CASTOR2: variants seen among roughly 807,000 people sequenced by gnomAD.
CASTOR2 encodes GATS protein like 2.
A neutral mutation model predicts 31.2 loss-of-function variants in CASTOR2; 8 were observed. That is an observed-to-expected ratio of 0.26 (90% CI 0.15 to 0.46). The LOEUF (loss-of-function observed/expected upper bound fraction) is 0.46. CASTOR2 is among the 20% of genes least tolerant of loss of function. CASTOR2 has a pLI of 0.99. For synonymous variants in CASTOR2, 162 were observed against 158.7 expected (o/e 1.02, Z -0.16); for missense variants, 216 against 382.1 (o/e 0.57, Z 3.62).
In CASTOR2 at chr7:74,991,565, C is replaced by T. The variant is rs1452519662; in HGVS notation, c.114-16429C>T. ...AAAGCCTCCTTGGTCTCTGCCCACTCAGCAGCCCAGGCCAGGGTGGAGTTG... is the reference window on the plus strand; with the variant it reads ...AAAGCCTCCTTGGTCTCTGCCCACTTAGCAGCCCAGGCCAGGGTGGAGTTG... On this transcript the variant is annotated intron_variant, in intron 1 of 8. Transcript: ENST00000616305. Among the ~76,000 whole-genome samples the T allele has an allele frequency of 6.6e-5, 10 of 152,302 alleles. No homozygotes were observed. In the South Asian group the frequency reaches 2.1e-3, roughly 32 times the overall value.
At position 75,024,779 on chromosome 7, in the gene CASTOR2, A is replaced by T; in HGVS notation, c.*80A>T. 6.4e-7 allele frequency: 1 copy of T among 1,551,150 alleles called. No homozygotes were observed. The highest frequency in any genetic ancestry group is 8.7e-7 in the Non-Finnish European group (1 of 1,146,800). On this transcript the variant is annotated 3_prime_UTR_variant, in exon 9 of 9. Coordinates refer to ENST00000616305, the MANE Select transcript of CASTOR2 (RefSeq NM_001145064.3). ...GATTGATCTTGCAGTATTTCTCTACAGACTGGAAAATCAGCCTGGGGACCC... is the reference window on the plus strand; with the variant it reads ...GATTGATCTTGCAGTATTTCTCTACTGACTGGAAAATCAGCCTGGGGACCC...
At chr7:74,983,388 T>A (rs1490492174) in intron 1 of CASTOR2, among the ~76,000 whole-genome samples, 7 of 150,010 alleles carry the variant, frequency 4.7e-5, no homozygotes, top group Non-Finnish European at 1.0e-4. Flanking sequence ...GTCTACAATT[T>A]CCCTCCTGCA....
Position 75,020,072 on chromosome 7 carries a change from C to T in CASTOR2, c.669C>T (p.Cys223=), listed in dbSNP as rs1237990925. The change falls in exon 6 of 9, where the codon TGC becomes TGT. Residue 223 remains cysteine (C), a synonymous_variant. Coordinates refer to ENST00000616305, the MANE Select transcript of CASTOR2 (RefSeq NM_001145064.3). ...ACCCCATGGCCACTGGGGATGACTG[C>T]GGCCACATCCGCTTCTTCTCCTTCT... ...VKDPMATGDD[C]GHIRFFSFSL... The T allele has an allele frequency of 5.1e-5, 79 of 1,551,438 alleles. No individual in the cohort carries two copies. Among genetic ancestry groups the T allele is most frequent in the Admixed American group, 2.4e-4 (12 of 50,986 alleles).
At position 75,027,019 on chromosome 7, in the gene CASTOR2, C is replaced by T. The variant is rs1456722855; in HGVS notation, c.*2320C>T. 1 of 152,254 alleles carries T rather than the reference C, an allele frequency of 6.6e-6. No individual in the cohort carries two copies. Among genetic ancestry groups the T allele is most frequent in the African/African-American group, 2.4e-5 (1 of 41,462 alleles). The allele number at this position is 152,254 out of a possible 1,614,324, so 9.4% of individuals were successfully genotyped here. A position where few individuals can be genotyped will look rare whatever the true frequency, so the allele number is the denominator to read the frequency against. ...TGAGCAATATATATGTTAATATATA[C>T]TGTGTGCGCAGTCCGTGGACACAGC... is the stretch of plus-strand genomic sequence containing the variant. On this transcript the variant is annotated 3_prime_UTR_variant, in exon 9 of 9. Transcript: ENST00000616305.
In CASTOR2 at chr7:74,990,810, G is replaced by A. The variant is rs1297505665; in HGVS notation, c.114-17184G>A. On this transcript the variant is annotated intron_variant, in intron 1 of 8. Transcript: ENST00000616305. ...GCAGAGGTTGCAGGGAGCTGAGATC[G>A]TGCCACTGTACTCCAGCCTGGGTGA... 1.0e-3 allele frequency among the ~76,000 whole-genome samples: 159 copies of A among 152,298 alleles called. 1 individual carries two copies. Among genetic ancestry groups the A allele is most frequent in the African/African-American group, 3.4e-3 (143 of 41,570 alleles).
chr7:74,994,439 CAG>C (rs1804289579), intron 1 of CASTOR2, among the ~76,000 whole-genome samples: 1 of 152,126 alleles, frequency 6.6e-6, no homozygotes, highest in Non-Finnish European at 1.5e-5. Context: ...ACAACTATGT[CAG>C]AGAGTTGATG....
chr7:75,006,345 C>T (rs1363747258), intron 1 of CASTOR2, among the ~76,000 whole-genome samples: 1 of 152,146 alleles, frequency 6.6e-6, no homozygotes, highest in Non-Finnish European at 1.5e-5. Flanking sequence ...TGTACTCCCA[C>T]CAGCAGCATG....
In CASTOR2 at chr7:75,029,505, G is replaced by A. The variant is rs1351979538; in HGVS notation, c.*4806G>A. 4.0e-5 allele frequency among the ~76,000 whole-genome samples: 6 copies of A among 151,754 alleles called. No individual in the cohort carries two copies. The highest frequency in any genetic ancestry group is 2.1e-4 in the South Asian group (1 of 4,780). Reference sequence around the variant, plus strand: ...ATTACAGGCACCCACCACCACGCTCGGCTAATTTTTGTATTTTTAGTAGAG... The same window carrying A: ...ATTACAGGCACCCACCACCACGCTCAGCTAATTTTTGTATTTTTAGTAGAG... On this transcript the variant is annotated 3_prime_UTR_variant, in exon 9 of 9. Coordinates refer to ENST00000616305, the MANE Select transcript of CASTOR2 (RefSeq NM_001145064.3).
intron 1 of CASTOR2, among the ~76,000 whole-genome samples, chr7:74,994,948 C>T (rs1305167514): frequency 6.6e-6 from 1 of 152,064 alleles, no homozygotes; most frequent in African/African-American, 2.4e-5. Context: ...CCACAGGAAG[C>T]AGAGGACTGT....
intron 1 of CASTOR2, among the ~76,000 whole-genome samples, chr7:74,991,074 G>GAAAAA (rs587606119): frequency 2.2e-5 from 3 of 136,566 alleles, no homozygotes; most frequent in Admixed American, 7.5e-5. Flanking sequence ...ACCCTGTCTG[G>GAAAAA]AAAAAAAAAA....
At chr7:75,007,916 C>T in intron 1 of CASTOR2, 78 bp from the exon 2 acceptor site, 3 of 1,609,644 alleles carry the variant, frequency 1.9e-6, no homozygotes, top group Non-Finnish European at 2.6e-6. Context: ...AGTCATCATC[C>T]CCAGGGCACG....
Position 75,029,229 on chromosome 7 carries a change from G to A in CASTOR2, c.*4530G>A, listed in dbSNP as rs946940107. Among the ~76,000 whole-genome samples, 2 of 152,162 alleles carry A rather than the reference G, an allele frequency of 1.3e-5. No individual in the cohort carries two copies. Among genetic ancestry groups the A allele is most frequent in the Non-Finnish European group, 2.9e-5 (2 of 68,034 alleles). On this transcript the variant is annotated 3_prime_UTR_variant, in exon 9 of 9. Transcript: ENST00000616305. ...GCCACATTTTCCAGGGATACCCTGG[G>A]GAGTCCTAAGGCCACCCTGGGCCCC...
chr7:74,972,416 C>T (rs1403719483), intron 1 of CASTOR2, among the ~76,000 whole-genome samples: 1 of 151,142 alleles, frequency 6.6e-6, no homozygotes, highest in Non-Finnish European at 1.5e-5. Context: ...CCACCATGCT[C>T]AGCCAAGCAG....
chr7:75,012,646 T>C lies in CASTOR2; in HGVS notation c.184+4582T>C, dbSNP rs1174284870. 6.0e-4 allele frequency among the ~76,000 whole-genome samples: 89 copies of C among 149,000 alleles called. 1 individual carries two copies. Among genetic ancestry groups the C allele is most frequent in the Admixed American group, 8.1e-4 (12 of 14,904 alleles). Reference sequence around the variant, plus strand: ...TGGGATTTTTTGTTTTTTGTTTTTTTGTTTTGTTTTGAGATGGAGTCTCGC... The same window carrying C: ...TGGGATTTTTTGTTTTTTGTTTTTTCGTTTTGTTTTGAGATGGAGTCTCGC... On this transcript the variant is annotated intron_variant, in intron 2 of 8. Coordinates refer to ENST00000616305, the MANE Select transcript of CASTOR2 (RefSeq NM_001145064.3).
chr7:75,026,898 G>A lies in CASTOR2; in HGVS notation c.*2199G>A, dbSNP rs1051794930. Among the ~76,000 whole-genome samples, 1 of 152,038 alleles carries A rather than the reference G, an allele frequency of 6.6e-6. No homozygotes were observed. Among genetic ancestry groups the A allele is most frequent in the Admixed American group, 6.6e-5 (1 of 15,264 alleles). On this transcript the variant is annotated 3_prime_UTR_variant, in exon 9 of 9. Transcript: ENST00000616305. ...CGGCCCCGTGACCCCAGAGTCGTGTGTCCCCTAGACTTCCTAGGACGTATC... is the reference window on the plus strand; with the variant it reads ...CGGCCCCGTGACCCCAGAGTCGTGTATCCCCTAGACTTCCTAGGACGTATC...
intron 6 of CASTOR2, 28 bp from the exon 7 acceptor site, chr7:75,021,846 G>A (rs1490280820): frequency 5.2e-6 from 8 of 1,551,308 alleles, no homozygotes; most frequent in Admixed American, 3.9e-5. Context: ...CATCAGCCTC[G>A]GGGATTCTTC....
rs1266979088 is a variant in CASTOR2 at position 75,029,574 on chromosome 7, C to T, written c.*4875C>T. On this transcript the variant is annotated 3_prime_UTR_variant, in exon 9 of 9. Coordinates refer to ENST00000616305, the MANE Select transcript of CASTOR2 (RefSeq NM_001145064.3). ...GGCCAGGCTGTTCTTGAACTCCTGA[C>T]CTCAGGTGATCCGCCCACCTTGGCC... Among the ~76,000 whole-genome samples the T allele has an allele frequency of 3.3e-5, 5 of 152,070 alleles. No homozygotes were observed. The highest frequency in any genetic ancestry group is 1.2e-4 in the African/African-American group (5 of 41,496).
At chr7:75,008,937 G>C (rs1275317720) in intron 2 of CASTOR2, among the ~76,000 whole-genome samples, 14 of 152,158 alleles carry the variant, frequency 9.2e-5, no homozygotes, top group African/African-American at 2.9e-4. Context: ...CTCCAGCCTG[G>C]GCAACATGAT....
At chr7:74,994,302 C>A (rs587750932) in intron 1 of CASTOR2, among the ~76,000 whole-genome samples, 1 of 152,322 alleles carries the variant, frequency 6.6e-6, no homozygotes, top group Admixed American at 6.5e-5. Flanking sequence ...TCTTTCACCC[C>A]GTCAGGGTGA....
Sources: gnomAD v4.1 joint callset for allele counts (sites outside exome capture counted in the v4.1 genomes callset) on GRCh38, gnomAD v4.1.1 for gene constraint, MANE v1.5 for transcripts, NCBI Gene and HGNC (gene_info 2026-07-23, HGNC 2026-07-21) for gene names.